SERPINB7: variants seen among roughly 807,000 people sequenced by gnomAD.
SERPINB7 encodes the protein serpin B7.
A neutral mutation model predicts 37.4 loss-of-function variants in SERPINB7; 31 were observed. The ratio of observed to expected loss-of-function variants is 0.83; its 90% CI spans 0.62 to 1.12. SERPINB7 has a LOEUF of 1.12. SERPINB7 is among the 50% of genes most tolerant of loss of function. The pLI, the probability that SERPINB7 is intolerant of heterozygous loss-of-function variation, is 0.00. For synonymous variants in SERPINB7, 163 were observed against 166.1 expected (o/e 0.98, Z 0.14); for missense variants, 521 against 455.3 (o/e 1.14, Z -1.31).
At chr18:63,773,796 T>C (rs1237675788), upstream of SERPINB7, among the ~76,000 whole-genome samples, 4 of 152,158 alleles carry the variant, frequency 2.6e-5, no homozygotes, top group African/African-American at 9.7e-5. Context: ...GATTGGTTAA[T>C]TGTAAATCAA....
At chr18:63,785,383 G>A (rs1623671) in intron 2 of SERPINB7, among the ~76,000 whole-genome samples, 19,532 of 151,900 alleles carry the variant, frequency 0.13, 2,128 homozygotes, top group East Asian at 0.48. Context: ...TCATAGCTTC[G>A]CCAGTAGATA....
chr18:63,753,874 C>G (rs1336736337), intron 1 of SERPINB7, among the ~76,000 whole-genome samples: 1 of 152,174 alleles, frequency 6.6e-6, no homozygotes, highest in East Asian at 1.9e-4. Context: ...CTATGTATAG[C>G]TGAGCTTTAG....
intron 5 of SERPINB7, among the ~76,000 whole-genome samples, chr18:63,796,713 C>T (rs553464449): frequency 1.6e-4 from 25 of 152,208 alleles, no homozygotes; most frequent in African/African-American, 5.8e-4. Context: ...CAATATCTCA[C>T]CCTCGTTAGT....
rs1486202468 is a variant in SERPINB7, at chr18:63,793,283, T to C, written c.336+6T>C. ...AAGTGTATGGCTTTCATAAGGTAAG[T>C]GAAACTGCCTTTGTTAGAAGGACCT... On this transcript the variant is annotated splice_donor_region_variant and intron_variant, in intron 4 of 7. Transcript: ENST00000398019. 17 of 1,450,938 alleles carry C rather than the reference T, an allele frequency of 1.2e-5. No individual in the cohort carries two copies. Among genetic ancestry groups the C allele is most frequent in the Non-Finnish European group, 1.6e-5 (17 of 1,041,060 alleles). 89.9% of individuals were successfully genotyped at this position (1,450,938 alleles called of 1,614,324 possible).
intron 1 of SERPINB7, among the ~76,000 whole-genome samples, chr18:63,778,400 C>A (rs910806730): frequency 6.6e-6 from 1 of 152,022 alleles, no homozygotes; most frequent in Non-Finnish European, 1.5e-5. Context: ...AGGGATTATT[C>A]ATTTCTTTCC....
intron 1 of SERPINB7, among the ~76,000 whole-genome samples, chr18:63,761,983 G>A (rs1157932632): frequency 6.6e-6 from 1 of 152,234 alleles, no homozygotes; most frequent in Admixed American, 6.5e-5. Context: ...ACATTTCTGT[G>A]GAAAACAGTT....
intron 1 of SERPINB7, among the ~76,000 whole-genome samples, chr18:63,766,381 C>T (rs1048763892): frequency 4.6e-5 from 7 of 152,044 alleles, no homozygotes; most frequent in Middle Eastern, 6.3e-3. Flanking sequence ...TACCAAATTC[C>T]TGTTTTTCCT....
chr18:63,757,319 G>A (rs918230760), intron 1 of SERPINB7, among the ~76,000 whole-genome samples: 3 of 152,232 alleles, frequency 2.0e-5, no homozygotes, highest in Admixed American at 1.3e-4. Flanking sequence ...TGAATAACTT[G>A]AAATCTCAAT....
At chr18:63,764,221 G>A (rs2049168819) in intron 1 of SERPINB7, among the ~76,000 whole-genome samples, 3 of 152,344 alleles carry the variant, frequency 2.0e-5, no homozygotes, top group Middle Eastern at 3.4e-3. Context: ...TCTTGGGTAG[G>A]ATTATGTGAG....
intron 2 of SERPINB7, among the ~76,000 whole-genome samples, chr18:63,787,937 T>C (rs901411505): frequency 6.6e-6 from 1 of 152,214 alleles, no homozygotes; most frequent in African/African-American, 2.4e-5. Flanking sequence ...CATAATATCA[T>C]AGCGAAATGC....
chr18:63,789,959 G>A (rs529914327), intron 2 of SERPINB7, among the ~76,000 whole-genome samples: 1 of 152,236 alleles, frequency 6.6e-6, no homozygotes, highest in African/African-American at 2.4e-5. Flanking sequence ...TTGTTCAAGG[G>A]TCTCTGTCAC....
intron 1 of SERPINB7, among the ~76,000 whole-genome samples, chr18:63,776,577 C>A (rs1444213329): frequency 1.3e-5 from 2 of 150,406 alleles, no homozygotes; most frequent in Non-Finnish European, 3.0e-5. Flanking sequence ...TTCTTGTGTG[C>A]CTTAAGATAG....
chr18:63,788,100 A>G (rs1747725785), intron 2 of SERPINB7, among the ~76,000 whole-genome samples: 1 of 152,234 alleles, frequency 6.6e-6, no homozygotes, highest in African/African-American at 2.4e-5. Context: ...TACTTTTAGT[A>G]GTTATTTTAA....
upstream of SERPINB7, among the ~76,000 whole-genome samples, chr18:63,770,492 C>A (rs2049204259): frequency 6.6e-6 from 1 of 151,996 alleles, no homozygotes; most frequent in Non-Finnish European, 1.5e-5. Context: ...TTGACCCCAA[C>A]TGGAAGCTAT....
chr18:63,803,437 C>T (rs1250269772), intron 7 of SERPINB7, among the ~76,000 whole-genome samples: 2 of 152,020 alleles, frequency 1.3e-5, no homozygotes. Context: ...AAGAAATGTC[C>T]TTATGTAAGA....
chr18:63,795,340 C>A (rs1414429964), intron 4 of SERPINB7, among the ~76,000 whole-genome samples: 1 of 152,052 alleles, frequency 6.6e-6, no homozygotes, highest in Non-Finnish European at 1.5e-5. Flanking sequence ...GCGGGAGGAT[C>A]ACCTGAGGTC....
At chr18:63,754,219 T>C (rs956076373) in intron 1 of SERPINB7, among the ~76,000 whole-genome samples, 1 of 152,216 alleles carries the variant, frequency 6.6e-6, no homozygotes, top group African/African-American at 2.4e-5. Flanking sequence ...TAAAGAGTTA[T>C]GAAGTCTACC....
Position 63,796,292 on chromosome 18 carries a change from A to G in SERPINB7, c.363A>G (p.Leu121=), listed in dbSNP as rs2049487652. ...ACTACATTGAGTGTGCCGAAAAATT[A>G]TACGATGCCAAAGTGGAGCGAGTTG... The part of the protein sequence containing the change: ...HKDYIECAEK[L]YDAKVERVDF... The change falls in exon 5 of 8, where the codon TTA becomes TTG. Residue 121 remains leucine, a synonymous_variant. Coordinates refer to ENST00000398019, the MANE Select transcript of SERPINB7 (RefSeq NM_003784.4). 6.2e-7 allele frequency: 1 copy of G among 1,612,570 alleles called. No homozygotes were observed. The highest frequency in any genetic ancestry group is 1.7e-5 in the Admixed American group (1 of 59,994).
chr18:63,773,954 A>G (rs1331445778), upstream of SERPINB7, among the ~76,000 whole-genome samples: 1 of 152,098 alleles, frequency 6.6e-6, no homozygotes, highest in Non-Finnish European at 1.5e-5. Flanking sequence ...CCTTTTACCT[A>G]TTGACCATTT....
Sources: allele counts gnomAD v4.1 joint callset (sites outside exome capture counted in the v4.1 genomes callset), GRCh38; gene constraint gnomAD v4.1.1; transcripts MANE v1.5; gene names NCBI Gene and HGNC (gene_info 2026-07-23, HGNC 2026-07-21).